The following GFRA1 variants were observed in gnomAD, a reference collection of about 807,000 sequenced individuals.
The protein encoded by GFRA1 is GDNF family receptor alpha-1.
In GFRA1, 16 loss-of-function variants were observed where a neutral mutation model predicts 51.6. That is an observed-to-expected ratio of 0.31 (90% confidence interval 0.21 to 0.47). The LOEUF is 0.47. Among genes scored for constraint, GFRA1 ranks in the 20% least tolerant of loss-of-function variants. GFRA1 has a pLI of 1.00. For missense variants in GFRA1, 530 were observed against 594.3 expected (o/e 0.89, Z 1.13); for synonymous variants, 270 against 241.3 (o/e 1.12, Z -1.10).
At chr10:116,088,028 C>T (rs1956169425) in intron 9 of GFRA1, among the ~76,000 whole-genome samples, 1 of 152,062 alleles carries the variant, frequency 6.6e-6, no homozygotes, top group Non-Finnish European at 1.5e-5. Flanking sequence ...TGTGCCATTT[C>T]GTTATCAGCC....
At chr10:116,250,783 C>T (rs1968276106) in intron 4 of GFRA1, among the ~76,000 whole-genome samples, 1 of 152,226 alleles carries the variant, frequency 6.6e-6, no homozygotes, top group African/African-American at 2.4e-5. Flanking sequence ...CTGGCCATAG[C>T]TCCCTCCTGA....
At chr10:116,236,429 T>C (rs1966880297) in intron 4 of GFRA1, among the ~76,000 whole-genome samples, 1 of 152,050 alleles carries the variant, frequency 6.6e-6, no homozygotes, top group South Asian at 2.1e-4. Flanking sequence ...GTTCTATATT[T>C]ATAAAAATCA....
chr10:116,087,024 G>A (rs1956129329), intron 9 of GFRA1, among the ~76,000 whole-genome samples: 1 of 152,140 alleles, frequency 6.6e-6, no homozygotes, highest in South Asian at 2.1e-4. Context: ...TACCATGTTG[G>A]CCAGGCGGTC....
rs566567890 is a variant in GFRA1 at position 116,231,704 on chromosome 10, C to T, written c.419-20059G>A. On this transcript the variant is annotated intron_variant, in intron 4 of 10. Coordinates refer to ENST00000355422, the MANE Select transcript of GFRA1 (RefSeq NM_005264.8). ...ACTAAAAACAGCTGCCAGCCTTTTC[C>T]GGATTCACCTGCTTAGTGAAGAAAA... 1.7e-4 allele frequency among the ~76,000 whole-genome samples: 26 copies of T among 152,204 alleles called. No homozygotes were observed. In the South Asian group the frequency reaches 4.1e-3, roughly 24 times the overall value.
chr10:116,208,199 A>G (rs984341247), intron 5 of GFRA1, among the ~76,000 whole-genome samples: 11 of 151,832 alleles, frequency 7.2e-5, no homozygotes, highest in African/African-American at 2.2e-4. Context: ...TCCCCCAGAT[A>G]CTTCAGTAAC....
intron 4 of GFRA1, 71 bp downstream of exon 4, chr10:116,269,432 A>G: frequency 1.2e-6 from 1 of 859,948 alleles, no homozygotes; most frequent in Non-Finnish European, 2.0e-6. Context: ...GCTCTTTGAG[A>G]GCCAAAGAGA....
intron 5 of GFRA1, among the ~76,000 whole-genome samples, chr10:116,155,187 A>G: frequency 6.6e-6 from 1 of 152,184 alleles, no homozygotes; most frequent in East Asian, 1.9e-4. Context: ...TATTAAAAAT[A>G]GGGAAATAGA....
chr10:116,128,423 TAAAAAA>T (rs926202389), intron 5 of GFRA1, among the ~76,000 whole-genome samples: 5 of 151,324 alleles, frequency 3.3e-5, no homozygotes, highest in African/African-American at 1.2e-4. Context: ...TACACAGGCT[TAAAAAA>T]AAATTGGCCT....
chr10:116,269,156 G>T (rs1326434428), intron 4 of GFRA1, among the ~76,000 whole-genome samples: 1 of 152,118 alleles, frequency 6.6e-6, no homozygotes, highest in Admixed American at 6.5e-5. Flanking sequence ...TGTAAGGTAT[G>T]CAGCAAGAAG....
At chr10:116,072,071 G>A (rs1955421960) in intron 9 of GFRA1, among the ~76,000 whole-genome samples, 2 of 150,702 alleles carry the variant, frequency 1.3e-5, no homozygotes, top group African/African-American at 4.9e-5. Context: ...TAATCCAAAG[G>A]CTTTTTTTTT....
At chr10:116,073,379 G>T (rs1955486918) in intron 9 of GFRA1, among the ~76,000 whole-genome samples, 1 of 152,166 alleles carries the variant, frequency 6.6e-6, no homozygotes, top group African/African-American at 2.4e-5. Context: ...GACACAGGTT[G>T]CAGAAATATA....
At chr10:116,149,923 A>C (rs1958995537) in intron 5 of GFRA1, among the ~76,000 whole-genome samples, 1 of 152,174 alleles carries the variant, frequency 6.6e-6, no homozygotes, top group Non-Finnish European at 1.5e-5. Context: ...AGTATGTTCC[A>C]AGCACTCCGC....
At chr10:116,141,412 G>C (rs778362632) in intron 5 of GFRA1, among the ~76,000 whole-genome samples, 2 of 152,176 alleles carry the variant, frequency 1.3e-5, no homozygotes, top group Admixed American at 1.3e-4. Context: ...CCAGGTCTTA[G>C]TTGCGAGCTT....
At chr10:116,071,091 C>T (rs893076510) in intron 9 of GFRA1, among the ~76,000 whole-genome samples, 9 of 152,200 alleles carry the variant, frequency 5.9e-5, no homozygotes, top group Middle Eastern at 3.2e-3. Context: ...TTCCTCCAAG[C>T]TTAATTTTGC....
intron 5 of GFRA1, among the ~76,000 whole-genome samples, chr10:116,155,664 A>G (rs539495452): frequency 1.1e-4 from 17 of 152,320 alleles, no homozygotes; most frequent in African/African-American, 4.1e-4. Flanking sequence ...AAGCTTGGAA[A>G]CCAATGCTGA....
intron 5 of GFRA1, among the ~76,000 whole-genome samples, chr10:116,136,878 G>A (rs1958347566): frequency 6.6e-6 from 1 of 152,150 alleles, no homozygotes; most frequent in African/African-American, 2.4e-5. Flanking sequence ...CAATGCTCAG[G>A]AGTAGAAAAT....
In GFRA1 at chr10:116,272,361, C is replaced by A. The variant is rs1565696369; in HGVS notation, c.-246-86G>T. The stretch of plus-strand genomic sequence containing the variant: ...ACCCTCTCCCCTCCCCCGTTCCCGC[C>A]TTTGGGGAATTTCCAACACCGGGGT... On this transcript the variant is annotated intron_variant, in intron 1 of 10. Transcript: ENST00000355422. The surrounding 1 kb of genome is among the most constrained non-coding windows in gnomAD (Gnocchi z 4.4). 6.0e-5 allele frequency: 27 copies of A among 447,200 alleles called. No individual in the cohort carries two copies. Among genetic ancestry groups the A allele is most frequent in the Non-Finnish European group, 5.8e-5 (14 of 243,096 alleles). 27.7% of individuals were successfully genotyped at this position (447,200 alleles called of 1,614,324 possible). A position where few individuals can be genotyped will look rare whatever the true frequency, so the allele number is the denominator to read the frequency against.
intron 9 of GFRA1, among the ~76,000 whole-genome samples, chr10:116,088,312 G>A (rs562098257): frequency 2.6e-5 from 4 of 152,042 alleles, no homozygotes; most frequent in East Asian, 1.9e-4. Context: ...GGGGGGCCTC[G>A]ATGTGCTCCA....
At chr10:116,190,578 A>C (rs1279191612) in intron 5 of GFRA1, among the ~76,000 whole-genome samples, 1 of 152,178 alleles carries the variant, frequency 6.6e-6, no homozygotes, top group East Asian at 1.9e-4. Context: ...CCTCTTTGGG[A>C]CAACCCCAGG....
Sources: allele counts gnomAD v4.1 joint callset (sites outside exome capture counted in the v4.1 genomes callset), GRCh38; gene constraint gnomAD v4.1.1; non-coding constraint Gnocchi (gnomAD v3.1); transcripts MANE v1.5; gene names NCBI Gene and HGNC (gene_info 2026-07-23, HGNC 2026-07-21).